The following CNTN5 variants were observed in gnomAD, a reference collection of about 807,000 sequenced individuals.
CNTN5 encodes contactin 5, also known as contactin-5.
Under a neutral mutation model 129.1 loss-of-function variants are expected in CNTN5, and 77 were observed. That is an observed-to-expected ratio of 0.60 (90% CI 0.50 to 0.72). The LOEUF (loss-of-function observed/expected upper bound fraction) is 0.72, where lower values mean the gene tolerates loss of function less well. CNTN5 is among the 30% of genes least tolerant of loss of function. The pLI is 0.00. For synonymous variants in CNTN5, 509 were observed against 465.6 expected (o/e 1.09, Z -1.20); for missense variants, 1,478 against 1,328.8 (o/e 1.11, Z -1.75).
chr11:100,106,762 G>A (rs915669146), intron 13 of CNTN5, among the ~76,000 whole-genome samples: 2 of 151,878 alleles, frequency 1.3e-5, no homozygotes, highest in African/African-American at 2.4e-5. Flanking sequence ...TTGTTTCTGG[G>A]GACAAGAAGA....
chr11:99,135,042 C>A (rs11218521), intron 1 of CNTN5, among the ~76,000 whole-genome samples: 1 of 152,138 alleles, frequency 6.6e-6, no homozygotes, highest in Admixed American at 6.6e-5. Flanking sequence ...ACGTAGAACA[C>A]TATAATATAA....
At chr11:99,689,845 C>T (rs1299682573) in intron 3 of CNTN5, among the ~76,000 whole-genome samples, 1 of 151,956 alleles carries the variant, frequency 6.6e-6, no homozygotes, top group Non-Finnish European at 1.5e-5. Flanking sequence ...GTCAGATGAA[C>T]AGATTGCAAA....
chr11:100,318,845 A>G (rs547770042), intron 21 of CNTN5, among the ~76,000 whole-genome samples: 1 of 152,322 alleles, frequency 6.6e-6, no homozygotes, highest in South Asian at 2.1e-4. Context: ...TACAAAATCT[A>G]TATTTAGCAT....
intron 3 of CNTN5, among the ~76,000 whole-genome samples, chr11:99,729,789 T>C (rs1411257939): frequency 6.6e-6 from 1 of 151,978 alleles, no homozygotes; most frequent in Non-Finnish European, 1.5e-5. Context: ...CTCAGCAAAC[T>C]AACACAGGAA....
intron 4 of CNTN5, among the ~76,000 whole-genome samples, chr11:99,832,366 T>A (rs943967450): frequency 2.6e-5 from 4 of 152,202 alleles, no homozygotes; most frequent in African/African-American, 9.6e-5. Flanking sequence ...ATTGTTATCA[T>A]AAGTGATAAT....
At chr11:99,895,341 C>CT (rs1949177775) in intron 6 of CNTN5, among the ~76,000 whole-genome samples, 2 of 152,220 alleles carry the variant, frequency 1.3e-5, no homozygotes, top group African/African-American at 4.8e-5. Flanking sequence ...GAAATGAAAA[C>CT]TTCTCATACC....
intron 2 of CNTN5, among the ~76,000 whole-genome samples, chr11:99,471,376 C>G (rs979210736): frequency 2.6e-5 from 4 of 152,022 alleles, no homozygotes; most frequent in African/African-American, 9.7e-5. Flanking sequence ...CTCTCATGTA[C>G]TTTCTGGATC....
At chr11:99,919,802 ATTTATTTTAT>A (rs145689745) in intron 7 of CNTN5, among the ~76,000 whole-genome samples, 185 of 147,666 alleles carry the variant, frequency 1.3e-3, no homozygotes, top group Middle Eastern at 0.01. Context: ...TTTCTAGAAT[ATTTATTTTAT>A]TTTATTTTAT....
Position 100,262,812 on chromosome 11 carries a change from A to G in CNTN5, c.2164+6894A>G, listed in dbSNP as rs1217189402. On this transcript the variant is annotated intron_variant, in intron 17 of 24. Coordinates refer to ENST00000524871, the MANE Select transcript of CNTN5 (RefSeq NM_014361.4). Reference sequence around the variant, plus strand: ...CAGGGAGTGGGGTCCTAGGGGAGGAATAGCATTAGGAGAAATACCTAATGT... The same window carrying G: ...CAGGGAGTGGGGTCCTAGGGGAGGAGTAGCATTAGGAGAAATACCTAATGT... Among the ~76,000 whole-genome samples, 5 of 152,096 alleles carry G rather than the reference A, an allele frequency of 3.3e-5. No homozygotes were observed. The East Asian group carries it at 9.6e-4, about 29-fold the overall frequency.
intron 16 of CNTN5, among the ~76,000 whole-genome samples, chr11:100,252,345 T>G (rs77758327): frequency 0.012 from 1,780 of 152,328 alleles, 15 homozygotes; most frequent in Non-Finnish European, 0.018. Context: ...CTGCAAATAT[T>G]TTCTTCCATT....
chr11:99,224,414 A>T (rs1565416443), intron 1 of CNTN5, among the ~76,000 whole-genome samples: 1 of 152,124 alleles, frequency 6.6e-6, no homozygotes, highest in Non-Finnish European at 1.5e-5. Flanking sequence ...GAATAGCAAA[A>T]ATAAGATCAG....
intron 1 of CNTN5, among the ~76,000 whole-genome samples, chr11:99,121,682 G>A (rs1317439272): frequency 2.0e-5 from 3 of 152,074 alleles, no homozygotes; most frequent in South Asian, 2.1e-4. Flanking sequence ...TTACTTGCTC[G>A]GGGGCAGCAA....
At chr11:99,425,690 G>T (rs527629707) in intron 2 of CNTN5, among the ~76,000 whole-genome samples, 3 of 152,256 alleles carry the variant, frequency 2.0e-5, no homozygotes, top group African/African-American at 7.2e-5. Flanking sequence ...AAGGGCAGGG[G>T]TTGCTTCCTG....
At chr11:99,891,229 A>G (rs1467762468) in intron 6 of CNTN5, among the ~76,000 whole-genome samples, 2 of 152,180 alleles carry the variant, frequency 1.3e-5, no homozygotes, top group Admixed American at 1.3e-4. Flanking sequence ...GGATGTGGGT[A>G]TATGGGGACT....
At chr11:99,671,108 C>T (rs762758130) in intron 3 of CNTN5, among the ~76,000 whole-genome samples, 1 of 150,736 alleles carries the variant, frequency 6.6e-6, no homozygotes, top group African/African-American at 2.4e-5. Flanking sequence ...CTCGCTCGCT[C>T]GCTCTTGCTC....
intron 21 of CNTN5, among the ~76,000 whole-genome samples, chr11:100,315,225 G>A (rs1235533209): frequency 6.6e-6 from 1 of 152,132 alleles, no homozygotes; most frequent in African/African-American, 2.4e-5. Flanking sequence ...CTTACACTTG[G>A]CATTTTGGCC....
intron 2 of CNTN5, among the ~76,000 whole-genome samples, chr11:99,467,148 GTTT>G (rs1171381852): frequency 6.6e-6 from 1 of 151,922 alleles, no homozygotes; most frequent in African/African-American, 2.4e-5. Context: ...GAGACACAGT[GTTT>G]TTTTATGTTT....
intron 1 of CNTN5, among the ~76,000 whole-genome samples, chr11:99,313,066 T>A (rs898622274): frequency 2.0e-5 from 3 of 151,896 alleles, no homozygotes; most frequent in Non-Finnish European, 4.4e-5. Context: ...ATAGACAGAT[T>A]AGCCTTCCTC....
At chr11:99,439,120 A>T (rs1355064599) in intron 2 of CNTN5, among the ~76,000 whole-genome samples, 4 of 152,218 alleles carry the variant, frequency 2.6e-5, no homozygotes, top group Middle Eastern at 6.3e-3. Flanking sequence ...TGTATAAAAA[A>T]TGCCCATGGG....
Sources: allele counts gnomAD v4.1 joint callset (sites outside exome capture counted in the v4.1 genomes callset), GRCh38; gene constraint gnomAD v4.1.1; transcripts MANE v1.5; gene names NCBI Gene and HGNC (gene_info 2026-07-23, HGNC 2026-07-21).